CERS6: variants seen among roughly 807,000 people sequenced by gnomAD.
CERS6 encodes the protein LAG1 homolog, ceramide synthase 6.
In CERS6, 26 loss-of-function variants were observed where a neutral mutation model predicts 56.8. The observed-to-expected ratio is 0.46, with a 90% CI of 0.34 to 0.63. CERS6 has a LOEUF of 0.63. CERS6 is among the 30% of genes least tolerant of loss of function. The pLI is 0.01. For missense variants in CERS6, 415 were observed against 467.5 expected (o/e 0.89, Z 1.04); for synonymous variants, 164 against 173.3 (o/e 0.95, Z 0.42).
chr2:168,771,035 T>C lies in CERS6; in HGVS notation c.*1373T>C, dbSNP rs530824165. ...TATGTCAGCCAAAGATTTTATCTCT[T>C]CTTCTAACTTTTAGTAAGAGGAAAA... On this transcript the variant is annotated 3_prime_UTR_variant, in exon 10 of 10. Transcript: ENST00000305747. The C allele has an allele frequency of 1.3e-5, 2 of 152,358 alleles. No individual in the cohort carries two copies. Among genetic ancestry groups the C allele is most frequent in the African/African-American group, 4.8e-5 (2 of 41,588 alleles). The allele number at this position is 152,358 out of a possible 1,614,324, so 9.4% of individuals were successfully genotyped here. A position where few individuals can be genotyped will look rare whatever the true frequency, so the allele number is the denominator to read the frequency against.
chr2:168,734,429 CTTGGTATAAT>C (rs1333051654), intron 8 of CERS6, among the ~76,000 whole-genome samples: 1 of 152,156 alleles, frequency 6.6e-6, no homozygotes, highest in Non-Finnish European at 1.5e-5. Context: ...GGCACATGTC[CTTGGTATAAT>C]TTATGCCACT....
chr2:168,569,507 AAG>A (rs1390434241), intron 3 of CERS6, among the ~76,000 whole-genome samples: 4 of 152,194 alleles, frequency 2.6e-5, no homozygotes, highest in Admixed American at 6.5e-5. Context: ...GACATATTTG[AAG>A]AGAGTGTGAA....
intron 1 of CERS6, among the ~76,000 whole-genome samples, chr2:168,489,647 A>G (rs183607740): frequency 2.6e-5 from 4 of 151,772 alleles, no homozygotes; most frequent in African/African-American, 4.8e-5. Flanking sequence ...TCGGTTATAT[A>G]TATATTTTGA....
chr2:168,684,361 C>G (rs1249220730), intron 4 of CERS6, among the ~76,000 whole-genome samples: 2 of 152,184 alleles, frequency 1.3e-5, no homozygotes, highest in Admixed American at 6.5e-5. Flanking sequence ...CACCACTAAT[C>G]AGGAGTTTCT....
At chr2:168,652,037 CT>C (rs148130804) in intron 4 of CERS6, among the ~76,000 whole-genome samples, 5,012 of 151,338 alleles carry the variant, frequency 0.033, 91 homozygotes, top group South Asian at 0.06. Context: ...CCCCCACCCC[CT>C]TTTTTTTGGC....
At chr2:168,598,417 C>T (rs1471351834) in intron 3 of CERS6, among the ~76,000 whole-genome samples, 1 of 151,060 alleles carries the variant, frequency 6.6e-6, no homozygotes, top group African/African-American at 2.4e-5. Flanking sequence ...TTTTCCACAT[C>T]TACTGGCCAA....
intron 4 of CERS6, among the ~76,000 whole-genome samples, chr2:168,648,293 C>A (rs868395690): frequency 1.3e-5 from 2 of 151,976 alleles, no homozygotes; most frequent in Admixed American, 6.6e-5. Flanking sequence ...TCTTGGTTTT[C>A]TAGTTTGTGT....
In CERS6 at chr2:168,661,304, A is replaced by G. The variant is rs566623922; in HGVS notation, c.466-29730A>G. Among the ~76,000 whole-genome samples the G allele has an allele frequency of 4.6e-5, 7 of 152,362 alleles. No homozygotes were observed. In the East Asian group the frequency reaches 1.3e-3, roughly 29 times the overall value. ...GAATGAAGATTAGGAAATCATTTCA[A>G]TTAGGCATGTAAGATTACCTGCTAG... On this transcript the variant is annotated intron_variant, in intron 4 of 9. Coordinates refer to ENST00000305747, the MANE Select transcript of CERS6 (RefSeq NM_203463.3).
At chr2:168,486,519 G>GTTTTTTTTTTTTTTTTTTTTTTTTTTTT in intron 1 of CERS6, among the ~76,000 whole-genome samples, 1 of 131,010 alleles carries the variant, frequency 7.6e-6, no homozygotes, top group East Asian at 2.2e-4. Context: ...TCTAGATTTG[G>GTTTTTTTTTTTTTTTTTTTTTTTTTTTT]TTTTGTTTTT....
chr2:168,580,119 T>C (rs1683372671), intron 3 of CERS6, among the ~76,000 whole-genome samples: 1 of 152,224 alleles, frequency 6.6e-6, no homozygotes, highest in East Asian at 1.9e-4. Flanking sequence ...ACAAGTAGAA[T>C]GTGCTTAGAT....
chr2:168,625,078 G>A (rs1684560742), intron 3 of CERS6, among the ~76,000 whole-genome samples: 1 of 152,090 alleles, frequency 6.6e-6, no homozygotes, highest in African/African-American at 2.4e-5. Context: ...ATAGGTATAA[G>A]CCATACTTCA....
At chr2:168,472,049 G>T (rs1314404056) in intron 1 of CERS6, among the ~76,000 whole-genome samples, 1 of 152,182 alleles carries the variant, frequency 6.6e-6, no homozygotes, top group African/African-American at 2.4e-5. Flanking sequence ...AGATTCCTGA[G>T]TTGGGCTTAA....
rs1283772053 is a variant in CERS6, at chr2:168,606,314, A to G, written c.408-24671A>G. 4.6e-5 allele frequency: 7 copies of G among 152,230 alleles called. No homozygotes were observed. In the East Asian group the frequency reaches 9.7e-4, roughly 21 times the overall value. 9.4% of individuals were successfully genotyped at this position (152,230 alleles called of 1,614,324 possible). On this transcript the variant is annotated intron_variant, in intron 3 of 9. Transcript: ENST00000305747. ...CTTTTGGCTAATTTCTCCCTTTTGG[A>G]ATGGAAGTATTTACCCAATGCCTAT...
intron 6 of CERS6, among the ~76,000 whole-genome samples, chr2:168,712,614 A>G (rs1687120960): frequency 6.6e-6 from 1 of 152,242 alleles, no homozygotes; most frequent in African/African-American, 2.4e-5. Context: ...TTTATTCAAC[A>G]AAGTTAAAAT....
intron 4 of CERS6, among the ~76,000 whole-genome samples, chr2:168,658,573 T>C (rs1685551319): frequency 6.6e-6 from 1 of 152,210 alleles, no homozygotes; most frequent in Non-Finnish European, 1.5e-5. Context: ...CAGGCGTGCT[T>C]GATGACCGAG....
chr2:168,471,114 A>G (rs180848230), intron 1 of CERS6, among the ~76,000 whole-genome samples: 28 of 152,308 alleles, frequency 1.8e-4, no homozygotes, highest in African/African-American at 6.7e-4. Context: ...ATTTAGGACC[A>G]TGGCTTACCG....
chr2:168,534,133 G>T (rs926699727), intron 1 of CERS6, among the ~76,000 whole-genome samples: 4 of 152,022 alleles, frequency 2.6e-5, no homozygotes, highest in Non-Finnish European at 5.9e-5. Context: ...TTTTATCAAG[G>T]TTCTTAGTTT....
chr2:168,580,258 C>T (rs1683376980), intron 3 of CERS6, among the ~76,000 whole-genome samples: 1 of 152,040 alleles, frequency 6.6e-6, no homozygotes, highest in Non-Finnish European at 1.5e-5. Flanking sequence ...ACATCTTCAT[C>T]TTGTTTTGTG....
intron 3 of CERS6, among the ~76,000 whole-genome samples, chr2:168,595,202 C>T (rs1683770118): frequency 6.6e-6 from 1 of 152,170 alleles, no homozygotes; most frequent in South Asian, 2.1e-4. Flanking sequence ...GTGGCTTTTA[C>T]TGGGGGAAGC....
Sources: gnomAD v4.1 joint callset for allele counts (sites outside exome capture counted in the v4.1 genomes callset) on GRCh38, gnomAD v4.1.1 for gene constraint, MANE v1.5 for transcripts, NCBI Gene and HGNC (gene_info 2026-07-23, HGNC 2026-07-21) for gene names.